HERC2: variants seen among roughly 807,000 people sequenced by gnomAD.
The protein encoded by HERC2 is HECT and RLD domain containing E3 ubiquitin protein ligase 2, also known as E3 ubiquitin-protein ligase HERC2.
HERC2 carries 102 observed loss-of-function variants against 537.7 expected under a neutral mutation model. That is an observed-to-expected ratio of 0.19 (90% CI 0.16 to 0.22). The LOEUF (loss-of-function observed/expected upper bound fraction) is 0.22. HERC2 is among the 10% of genes least tolerant of loss of function. HERC2 has a pLI of 1.00. For missense variants in HERC2, 4,236 were observed against 6,198.2 expected (o/e 0.68, Z 10.63); for synonymous variants, 2,224 against 2,466.2 (o/e 0.90, Z 2.91).
chr15:28,259,347 G>A (rs934979554), intron 16 of HERC2, among the ~76,000 whole-genome samples: 4 of 151,938 alleles, frequency 2.6e-5, no homozygotes, highest in South Asian at 2.1e-4. Context: ...CACCCATCTC[G>A]GCCTCCCAAC....
intron 15 of HERC2, among the ~76,000 whole-genome samples, chr15:28,261,747 T>C (rs930246769): frequency 1.3e-5 from 2 of 152,178 alleles, no homozygotes; most frequent in African/African-American, 4.8e-5. Context: ...ACTCTGCAAC[T>C]TATCTCAGAA....
rs1186588258 is a variant in HERC2 at position 28,308,127 on chromosome 15, G to A, written c.73-8611C>T. On this transcript the variant is annotated intron_variant, in intron 2 of 92. Transcript: ENST00000261609. ...ATTTTGCTAGGGATTGCACTGAATC[G>A]GTAGATTGCTTTGGGTAGTATGGAC... Among the ~76,000 whole-genome samples the A allele has an allele frequency of 3.9e-5, 6 of 152,036 alleles. No homozygotes were observed. In the South Asian group the frequency reaches 6.2e-4, roughly 16 times the overall value.
intron 55 of HERC2, among the ~76,000 whole-genome samples, chr15:28,189,264 T>G (rs1353512266): frequency 6.6e-6 from 1 of 152,212 alleles, no homozygotes; most frequent in Non-Finnish European, 1.5e-5. Flanking sequence ...GTACATGACA[T>G]ACACTAAGTA....
rs544844709 is a variant in HERC2 at position 28,214,724 on chromosome 15, C to A, written c.6289G>T (p.Val2097Leu). 4.3e-6 allele frequency: 7 copies of A among 1,611,892 alleles called. No homozygotes were observed. The highest frequency in any genetic ancestry group is 5.9e-6 in the Non-Finnish European group (7 of 1,179,738). ...TERARDMKCL[V>L]EKLFDFLGSL... Reference sequence around the variant, plus strand: ...CCCAAGAAGTCAAACAGCTTCTCCACGAGGCATTTCATGTCCCTCGCCCTT... The same window carrying A: ...CCCAAGAAGTCAAACAGCTTCTCCAAGAGGCATTTCATGTCCCTCGCCCTT... The change falls in exon 40 of 93, where the codon GTG becomes TTG. Residue 2097 changes from valine (V) to leucine (L), a missense_variant. Physicochemically the swap from Val to Leu is conservative, Grantham distance 32. This residue lies in a region of HERC2 where 365 missense variants were observed against 468.8 expected (regional missense o/e 0.78). Transcript: ENST00000261609.
intron 44 of HERC2, among the ~76,000 whole-genome samples, chr15:28,207,556 C>T (rs1421683060): frequency 6.6e-6 from 1 of 152,142 alleles, no homozygotes; most frequent in Admixed American, 6.5e-5. Context: ...TAAGTGACCC[C>T]AATTCCAAAT....
chr15:28,192,641 A>G (rs1896956054), intron 52 of HERC2, among the ~76,000 whole-genome samples: 1 of 152,238 alleles, frequency 6.6e-6, no homozygotes, highest in South Asian at 2.1e-4. Flanking sequence ...AGGAGAAAAT[A>G]AAGAATTACA....
chr15:28,272,321 T>C lies in HERC2; in HGVS notation c.977A>G (p.Asn326Ser). ...GCTGGTGCCCTGGGCGGAACGCTCA[T>C]TGTCAGTCTCCTGTGCCCCGCTGTC... is the stretch of plus-strand genomic sequence containing the variant. Reference protein sequence around the residue: ...LWDSGAQETDNERSAQGTSAP... With the variant: ...LWDSGAQETDSERSAQGTSAP... The change falls in exon 9 of 93, where the codon AAT becomes AGT. Residue 326 changes from asparagine to serine, a missense_variant. This residue lies in a region of HERC2 where 491 missense variants were observed against 559.3 expected (regional missense o/e 0.88). Transcript: ENST00000261609. 6.2e-7 allele frequency: 1 copy of C among 1,612,130 alleles called. No individual in the cohort carries two copies. Among genetic ancestry groups the C allele is most frequent in the Non-Finnish European group, 8.5e-7 (1 of 1,179,138 alleles).
intron 45 of HERC2, among the ~76,000 whole-genome samples, chr15:28,204,260 C>T (rs1306835327): frequency 6.6e-6 from 1 of 152,172 alleles, no homozygotes; most frequent in Non-Finnish European, 1.5e-5. Flanking sequence ...AACAGGTGGG[C>T]AGATGTTAGA....
In HERC2 at chr15:28,214,179, C is replaced by A. The variant is rs767053779; in HGVS notation, c.6452G>T (p.Arg2151Leu). 2.5e-6 allele frequency: 4 copies of A among 1,612,602 alleles called. No individual in the cohort carries two copies. Among genetic ancestry groups the A allele is most frequent in the Non-Finnish European group, 3.4e-6 (4 of 1,179,770 alleles). Residue 2151 changes from arginine (R) to leucine (L), a missense_variant, in exon 41 of 93, where the codon CGC becomes CTC. By Grantham distance (102) the Arg-to-Leu change is moderately radical. This residue lies in a region of HERC2 where 365 missense variants were observed against 468.8 expected (regional missense o/e 0.78). Transcript: ENST00000261609. ...TLAEEVVALL[R>L]TLHSLTQWNG... Reference sequence around the variant, plus strand: ...CCACTGAGTCAGGGAGTGCAGCGTGCGCAGCAGTGCCACCACCTCCTCCGC... The same window carrying A: ...CCACTGAGTCAGGGAGTGCAGCGTGAGCAGCAGTGCCACCACCTCCTCCGC...
chr15:28,233,635 C>G (rs369772498), intron 28 of HERC2, 29 bp downstream of exon 28: 11 of 1,612,452 alleles, frequency 6.8e-6, no homozygotes, highest in Non-Finnish European at 8.5e-6. Flanking sequence ...TGCAGTGTAC[C>G]TAAAGTACAC....
At position 28,187,163 on chromosome 15, in the gene HERC2, A is replaced by G. The variant is rs547960219; in HGVS notation, c.8650-411T>C. Among the ~76,000 whole-genome samples, 9 of 152,312 alleles carry G rather than the reference A, an allele frequency of 5.9e-5. No individual in the cohort carries two copies. In the South Asian group the frequency reaches 1.7e-3, roughly 28 times the overall value. On this transcript the variant is annotated intron_variant, in intron 55 of 92. Coordinates refer to ENST00000261609, the MANE Select transcript of HERC2 (RefSeq NM_004667.6). ...ATAAAACATATTTGAATATACACAA[A>G]TCAGAACAAATAGTACAAAGAACTC... is the stretch of plus-strand genomic sequence containing the variant.
At chr15:28,306,741 C>T (rs1231849250) in intron 2 of HERC2, among the ~76,000 whole-genome samples, 1 of 152,342 alleles carries the variant, frequency 6.6e-6, no homozygotes, top group East Asian at 1.9e-4. Flanking sequence ...ATTACAGTTT[C>T]AATCTCATTA....
rs940667181 is a variant in HERC2, at chr15:28,215,644, T to A, written c.6187A>T (p.Thr2063Ser). 6.2e-7 allele frequency: 1 copy of A among 1,610,630 alleles called. No homozygotes were observed. The highest frequency in any genetic ancestry group is 1.7e-5 in the Admixed American group (1 of 59,912). Residue 2063 changes from threonine to serine, a missense_variant, in exon 39 of 93, where the codon ACT becomes TCT. By Grantham distance (58) the Thr-to-Ser change is moderately conservative (BLOSUM62 1). Coordinates refer to ENST00000261609, the MANE Select transcript of HERC2 (RefSeq NM_004667.6). ...ACCTGCCTCTGCAGCGAGGTGGCAG[T>A]GAAGGGTGCGTGCCCTTCCACGACC... The part of the protein sequence containing the change: ...MKVVEGHAPF[T>S]ATSLQRQILA...
intron 85 of HERC2, among the ~76,000 whole-genome samples, chr15:28,123,281 C>T (rs1465723019): frequency 6.6e-6 from 1 of 152,194 alleles, no homozygotes; most frequent in African/African-American, 2.4e-5. Context: ...TATTAAATCA[C>T]TAAGAATGGG....
intron 84 of HERC2, 122 bp from the exon 85 acceptor site, chr15:28,124,356 G>C: frequency 1.7e-6 from 1 of 595,722 alleles, no homozygotes; most frequent in Non-Finnish European, 2.6e-6. Flanking sequence ...TGGTGTCTGA[G>C]TTTGGTTTGC....
chr15:28,167,531 C>T (rs756399507), intron 68 of HERC2, among the ~76,000 whole-genome samples, 156 bp downstream of exon 68: 1 of 152,290 alleles, frequency 6.6e-6, no homozygotes. Context: ...CCGTGTCCTG[C>T]GGCATTCCCA....
chr15:28,208,476 G>A (rs892527777), intron 44 of HERC2, among the ~76,000 whole-genome samples: 1 of 151,838 alleles, frequency 6.6e-6, no homozygotes, highest in African/African-American at 2.4e-5. Flanking sequence ...GTCATCTCCT[G>A]TTTCAGATAC....
intron 5 of HERC2, among the ~76,000 whole-genome samples, chr15:28,276,635 T>A (rs1474285898): frequency 6.6e-6 from 1 of 151,788 alleles, no homozygotes; most frequent in African/African-American, 2.4e-5. Context: ...TATGGGAGGC[T>A]GAGGCAGAAT....
At chr15:28,240,179 G>C (rs1449515539) in intron 23 of HERC2, among the ~76,000 whole-genome samples, 2 of 152,176 alleles carry the variant, frequency 1.3e-5, no homozygotes, top group African/African-American at 4.8e-5. Context: ...AGCACTTTGG[G>C]AGGCCAAGGT....
Sources: gnomAD v4.1 joint callset for allele counts (sites outside exome capture counted in the v4.1 genomes callset) on GRCh38, gnomAD v4.1.1 for gene constraint, gnomAD v4.1.1 regional missense constraint, MANE v1.5 for transcripts, NCBI Gene and HGNC (gene_info 2026-07-23, HGNC 2026-07-21) for gene names.